Variants in MYT1L observed in about 807,000 individuals in gnomAD.
The protein encoded by MYT1L is myelin transcription factor 1-like protein.
A neutral mutation model predicts 126.7 loss-of-function variants in MYT1L; 12 were observed. The observed-to-expected ratio is 0.09, with a 90% CI of 0.06 to 0.15. The LOEUF (loss-of-function observed/expected upper bound fraction) is 0.15. Among genes scored for constraint, MYT1L ranks in the 10% least tolerant of loss-of-function variants. MYT1L has a pLI of 1.00. For missense variants in MYT1L, 979 were observed against 1,585.2 expected (o/e 0.62, Z 6.49); for synonymous variants, 541 against 604.2 (o/e 0.90, Z 1.53).
intron 2 of MYT1L, among the ~76,000 whole-genome samples, chr2:2,263,108 A>G (rs559926540): frequency 3.3e-5 from 5 of 151,586 alleles, no homozygotes; most frequent in Non-Finnish European, 5.9e-5. Context: ...AAAGAGAACT[A>G]TCATTGCCCT....
chr2:1,999,895 T>C (rs960218735), intron 4 of MYT1L, among the ~76,000 whole-genome samples: 4 of 152,248 alleles, frequency 2.6e-5, no homozygotes, highest in African/African-American at 9.6e-5. Flanking sequence ...ACAATTCATA[T>C]TCATAGTATA....
At chr2:2,013,040 C>CG (rs1488196939) in intron 4 of MYT1L, among the ~76,000 whole-genome samples, 1 of 152,082 alleles carries the variant, frequency 6.6e-6, no homozygotes, top group Admixed American at 6.5e-5. Context: ...CAGGTGCCCA[C>CG]GGGGGGTCTT....
At chr2:1,958,883 C>T (rs900773514) in intron 8 of MYT1L, among the ~76,000 whole-genome samples, 4 of 152,236 alleles carry the variant, frequency 2.6e-5, no homozygotes, top group Non-Finnish European at 4.4e-5. Context: ...GCCCACCCGA[C>T]TGCAGAGGCC....
At chr2:1,956,148 C>G (rs1573957678) in intron 8 of MYT1L, among the ~76,000 whole-genome samples, 1 of 151,860 alleles carries the variant, frequency 6.6e-6, no homozygotes, top group Non-Finnish European at 1.5e-5. Context: ...TGTCTATCTA[C>G]CTATTTTACC....
chr2:2,185,965 T>C (rs374871732), intron 2 of MYT1L, among the ~76,000 whole-genome samples: 49 of 76,482 alleles, frequency 6.4e-4, no homozygotes, highest in South Asian at 1.5e-3. Context: ...CTCCCAGACG[T>C]CCGCGTTCCT....
chr2:2,107,459 C>T (rs2150539238), intron 3 of MYT1L, among the ~76,000 whole-genome samples: 1 of 152,346 alleles, frequency 6.6e-6, no homozygotes, highest in Non-Finnish European at 1.5e-5. Context: ...CACTAGCTCT[C>T]TGACGCATTA....
At chr2:2,155,848 G>C (rs980584387) in intron 3 of MYT1L, among the ~76,000 whole-genome samples, 4 of 152,120 alleles carry the variant, frequency 2.6e-5, no homozygotes, top group African/African-American at 4.8e-5. Context: ...CATGAGAGTT[G>C]GTTCCAGGCA....
rs766181128 is a variant in MYT1L, at chr2:1,886,628, G to C, written c.2643-21C>G. The C allele has an allele frequency of 4.6e-6, 7 of 1,519,038 alleles. No individual in the cohort carries two copies. The Admixed American group carries it at 1.6e-4, about 34-fold the overall frequency. 94.1% of individuals were successfully genotyped at this position (1,519,038 alleles called of 1,614,324 possible). A position where few individuals can be genotyped will look rare whatever the true frequency, so the allele number is the denominator to read the frequency against. On this transcript the variant is annotated intron_variant, in intron 17 of 24. Transcript: ENST00000647738. ...ACAGACTGTAAGACAGGCCGGGACAGGCAGGTCAGTCAACTGCGAAGCGCG... is the reference window on the plus strand; with the variant it reads ...ACAGACTGTAAGACAGGCCGGGACACGCAGGTCAGTCAACTGCGAAGCGCG...
At chr2:2,267,171 G>A (rs1053338721) in intron 2 of MYT1L, among the ~76,000 whole-genome samples, 1 of 152,228 alleles carries the variant, frequency 6.6e-6, no homozygotes, top group African/African-American at 2.4e-5. Flanking sequence ...ATGGTACCCT[G>A]AAACACAAAG....
chr2:2,252,249 T>C (rs1259874812), intron 2 of MYT1L, among the ~76,000 whole-genome samples: 1 of 152,202 alleles, frequency 6.6e-6, no homozygotes, highest in Non-Finnish European at 1.5e-5. Context: ...TACCTCTGTT[T>C]GTCCCGACTA....
intron 5 of MYT1L, among the ~76,000 whole-genome samples, chr2:1,991,772 T>C (rs888484198): frequency 2.0e-5 from 3 of 152,112 alleles, no homozygotes; most frequent in African/African-American, 7.2e-5. Flanking sequence ...CATCCTTCTT[T>C]CAAAGAACAC....
chr2:2,328,359 G>A (rs2096264387), intron 1 of MYT1L, among the ~76,000 whole-genome samples: 1 of 151,990 alleles, frequency 6.6e-6, no homozygotes, highest in Non-Finnish European at 1.5e-5. Context: ...AACATAACAG[G>A]GACAGTGAAA....
chr2:1,996,079 G>C (rs1378136461), intron 5 of MYT1L, among the ~76,000 whole-genome samples: 1 of 152,252 alleles, frequency 6.6e-6, no homozygotes, highest in Non-Finnish European at 1.5e-5. Context: ...GAGAGGCTGA[G>C]GTGGAGGAAG....
chr2:2,150,008 A>G (rs901712902), intron 3 of MYT1L, among the ~76,000 whole-genome samples: 5 of 152,200 alleles, frequency 3.3e-5, no homozygotes, highest in African/African-American at 7.2e-5. Context: ...ACATCCCAGT[A>G]TCCACCTAAA....
chr2:1,980,274 A>G (rs1394153675), intron 5 of MYT1L, among the ~76,000 whole-genome samples: 1 of 147,580 alleles, frequency 6.8e-6, no homozygotes, highest in African/African-American at 2.5e-5. Context: ...GAATCTAAAT[A>G]TTATATATAC....
Position 2,294,172 on chromosome 2 carries a change from G to A in MYT1L, c.-520-9669C>T, listed in dbSNP as rs956711251. Among the ~76,000 whole-genome samples the A allele has an allele frequency of 3.3e-5, 5 of 152,204 alleles. No homozygotes were observed. The East Asian group carries it at 7.7e-4, about 24-fold the overall frequency. The stretch of plus-strand genomic sequence containing the variant: ...GAACATGAGAATGGCCGAGAGACAA[G>A]CATGGTTGGTCACAGGTGACGGTTA... On this transcript the variant is annotated intron_variant, in intron 1 of 24. Transcript: ENST00000647738.
chr2:1,817,316 G>T (rs866189409), intron 21 of MYT1L, among the ~76,000 whole-genome samples: 16 of 152,116 alleles, frequency 1.1e-4, no homozygotes, highest in African/African-American at 3.4e-4. Context: ...CCCCATGGGT[G>T]GGGGGATAGG....
chr2:2,250,133 A>C (rs942293329), intron 2 of MYT1L, among the ~76,000 whole-genome samples: 2 of 152,186 alleles, frequency 1.3e-5, no homozygotes, highest in African/African-American at 4.8e-5. Flanking sequence ...AAAAAATAAA[A>C]ATAGAGCTAC....
chr2:1,834,205 G>A (rs2040534496), intron 21 of MYT1L, among the ~76,000 whole-genome samples: 1 of 152,206 alleles, frequency 6.6e-6, no homozygotes, highest in Admixed American at 6.5e-5. Flanking sequence ...GGATGCACAG[G>A]GGCCCTCCAA....
Sources: gnomAD v4.1 joint callset for allele counts (sites outside exome capture counted in the v4.1 genomes callset) on GRCh38, gnomAD v4.1.1 for gene constraint, MANE v1.5 for transcripts, NCBI Gene and HGNC (gene_info 2026-07-23, HGNC 2026-07-21) for gene names.